The following ERBB4 variants were observed in gnomAD, a reference collection of about 807,000 sequenced individuals.
ERBB4 encodes the protein receptor tyrosine-protein kinase erbB-4.
ERBB4 carries 42 observed loss-of-function variants against 158.0 expected under a neutral mutation model. That is an observed-to-expected ratio of 0.27 (90% CI 0.21 to 0.34). The LOEUF (loss-of-function observed/expected upper bound fraction) is 0.34, where lower values mean the gene tolerates loss of function less well. Ranked by LOEUF, ERBB4 falls within the 10% of genes least tolerant of loss-of-function variation. The probability of loss-of-function intolerance (pLI) is 1.00; values close to 1 mark genes in which losing one functional copy is unlikely to be tolerated. For missense variants in ERBB4, 1,333 were observed against 1,624.1 expected, an observed-to-expected ratio of 0.82 and a Z score of 3.08; for synonymous variants, 583 against 558.7, an observed-to-expected ratio of 1.04 and a Z score of -0.61.
intron 1 of ERBB4, among the ~76,000 whole-genome samples, chr2:212,170,017 G>T (rs2081467071): frequency 6.6e-6 from 1 of 152,136 alleles, no homozygotes; most frequent in Non-Finnish European, 1.5e-5. Context: ...GAGAGGTACT[G>T]CTATAAAGAT....
At chr2:212,383,537 G>T (rs2090579253) in intron 1 of ERBB4, among the ~76,000 whole-genome samples, 1 of 151,678 alleles carries the variant, frequency 6.6e-6, no homozygotes, top group East Asian at 1.9e-4. Flanking sequence ...CACTTTAGTG[G>T]ATATTGTGGT....
chr2:212,468,756 T>C (rs912581024), intron 1 of ERBB4, among the ~76,000 whole-genome samples: 1 of 152,146 alleles, frequency 6.6e-6, no homozygotes, highest in African/African-American at 2.4e-5. Flanking sequence ...AGAACCGTAC[T>C]TTTTTTGTGG....
At chr2:211,706,120 G>C (rs1050422978) in intron 9 of ERBB4, among the ~76,000 whole-genome samples, 1 of 151,762 alleles carries the variant, frequency 6.6e-6, no homozygotes, top group Non-Finnish European at 1.5e-5. Context: ...TACTATCCTA[G>C]GTAGAGACCT....
chr2:212,098,828 T>G (rs929098396), intron 2 of ERBB4, among the ~76,000 whole-genome samples: 1 of 152,144 alleles, frequency 6.6e-6, no homozygotes, highest in South Asian at 2.1e-4. Context: ...ATCCTATAAA[T>G]AGTTCAAATG....
In ERBB4 at chr2:212,410,056, A is replaced by T. The variant is rs527281962; in HGVS notation, c.82+128393T>A. On this transcript the variant is annotated intron_variant, in intron 1 of 27. Coordinates refer to ENST00000342788, the MANE Select transcript of ERBB4 (RefSeq NM_005235.3). ...TTAAAGAAACTGCCTGGATTAAAAA[A>T]AATAGAAATAACAGTGTTTCTCTTT... is the stretch of plus-strand genomic sequence containing the variant. Among the ~76,000 whole-genome samples, 9 of 152,194 alleles carry T rather than the reference A, an allele frequency of 5.9e-5. 1 individual carries two copies. In the East Asian group the frequency reaches 1.7e-3, roughly 29 times the overall value.
In ERBB4 at chr2:211,619,204, A is replaced by T. The variant is rs749423630; in HGVS notation, c.2274T>A (p.Gly758=). The change falls in exon 19 of 28, where the codon GGT becomes GGA. Residue 758 remains glycine (G), a synonymous_variant. Transcript: ENST00000342788. The stretch of plus-strand genomic sequence containing the variant: ...CCATGAACTCCACATTTGCCTTGGG[A>T]CCAGTTGTCTCATTAAGAATCTTAA... ...VAIKILNETT[G]PKANVEFMDE... 1 of 1,610,562 alleles carries T rather than the reference A, an allele frequency of 6.2e-7. No individual in the cohort carries two copies. Among genetic ancestry groups the T allele is most frequent in the South Asian group, 1.1e-5 (1 of 91,018 alleles).
At chr2:211,570,817 C>G (rs1289314396) in intron 19 of ERBB4, among the ~76,000 whole-genome samples, 1 of 152,102 alleles carries the variant, frequency 6.6e-6, no homozygotes, top group Non-Finnish European at 1.5e-5. Context: ...CCTTTGAGAT[C>G]CGGTTTTTCT....
At chr2:212,275,389 A>T (rs550329419) in intron 1 of ERBB4, among the ~76,000 whole-genome samples, 1 of 152,054 alleles carries the variant, frequency 6.6e-6, no homozygotes, top group African/African-American at 2.4e-5. Flanking sequence ...ACTCCCACCA[A>T]CAGTGTAAAA....
chr2:212,417,887 G>A (rs1222087452), intron 1 of ERBB4, among the ~76,000 whole-genome samples: 1 of 151,900 alleles, frequency 6.6e-6, no homozygotes, highest in Non-Finnish European at 1.5e-5. Context: ...TAACTCCCAT[G>A]GGATAGTATT....
chr2:212,168,774 GA>G (rs1471029035), intron 1 of ERBB4, among the ~76,000 whole-genome samples: 1 of 152,114 alleles, frequency 6.6e-6, no homozygotes. Flanking sequence ...GCAAAGCACA[GA>G]AATGATCAAG....
At chr2:211,630,734 A>G (rs1432337653) in intron 16 of ERBB4, 140 bp from the exon 17 acceptor site, 6 of 815,180 alleles carry the variant, frequency 7.4e-6, no homozygotes, top group African/African-American at 1.7e-5. Flanking sequence ...ATAAAAGTGC[A>G]TTAGGTTTTG....
intron 1 of ERBB4, among the ~76,000 whole-genome samples, chr2:212,403,710 G>T (rs1178187520): frequency 6.6e-6 from 1 of 151,990 alleles, no homozygotes; most frequent in Non-Finnish European, 1.5e-5. Flanking sequence ...GTAGAATGGT[G>T]ACTGCCAGGG....
chr2:212,213,863 C>G (rs2083012069), intron 1 of ERBB4, among the ~76,000 whole-genome samples: 1 of 151,788 alleles, frequency 6.6e-6, no homozygotes, highest in Non-Finnish European at 1.5e-5. Flanking sequence ...ATAAGGTTTT[C>G]AGGCCAAAAG....
intron 2 of ERBB4, among the ~76,000 whole-genome samples, chr2:211,972,231 C>A (rs1412223955): frequency 1.3e-5 from 2 of 152,104 alleles, no homozygotes; most frequent in South Asian, 2.1e-4. Flanking sequence ...AAACTACAAA[C>A]CCCTGCTCAA....
intron 2 of ERBB4, among the ~76,000 whole-genome samples, chr2:212,107,189 T>G (rs2079255957): frequency 6.6e-6 from 1 of 152,178 alleles, no homozygotes; most frequent in Non-Finnish European, 1.5e-5. Context: ...AGTGCCAGTC[T>G]GTGAAAGCAG....
chr2:212,060,260 A>G (rs1192092192), intron 2 of ERBB4, among the ~76,000 whole-genome samples: 1 of 152,142 alleles, frequency 6.6e-6, no homozygotes, highest in Non-Finnish European at 1.5e-5. Context: ...CCACAATGAG[A>G]TACCATCTCA....
At chr2:212,142,677 C>T (rs1299228483) in intron 1 of ERBB4, among the ~76,000 whole-genome samples, 2 of 149,624 alleles carry the variant, frequency 1.3e-5, no homozygotes, top group Non-Finnish European at 3.0e-5. Flanking sequence ...TATAGAAATA[C>T]AGAGAACATG....
chr2:211,927,709 A>G (rs577261669), intron 3 of ERBB4, among the ~76,000 whole-genome samples: 4 of 151,224 alleles, frequency 2.6e-5, no homozygotes, highest in African/African-American at 7.3e-5. Flanking sequence ...TTAACTCGCA[A>G]AAGTTTTTTT....
chr2:211,722,425 G>A lies in ERBB4; in HGVS notation c.851C>T (p.Thr284Ile). ...TTTCTTGACACAGAATGCTCCATATGTGTACTTTGCATTGAAATTGTGCTC... is the reference window on the plus strand; with the variant it reads ...TTTCTTGACACAGAATGCTCCATATATGTACTTTGCATTGAAATTGTGCTC... ...QLEHNFNAKYTYGAFCVKKCP... is the reference protein window; with the variant it reads ...QLEHNFNAKYIYGAFCVKKCP... The change falls in exon 7 of 28, where the codon ACA becomes ATA. Residue 284 changes from threonine (T) to isoleucine (I), a missense_variant. Around this residue, in one of 5 missense-constraint regions of ERBB4, gnomAD observed 438 missense variants for 586.9 expected, o/e 0.75. Transcript: ENST00000342788. 1 of 1,613,646 alleles carries A rather than the reference G, an allele frequency of 6.2e-7. No individual in the cohort carries two copies. Among genetic ancestry groups the A allele is most frequent in the Non-Finnish European group, 8.5e-7 (1 of 1,179,614 alleles).
Sources: allele counts gnomAD v4.1 joint callset (sites outside exome capture counted in the v4.1 genomes callset), GRCh38; gene constraint gnomAD v4.1.1; regional missense constraint gnomAD v4.1.1; transcripts MANE v1.5; gene names NCBI Gene and HGNC (gene_info 2026-07-23, HGNC 2026-07-21).